Variants in NEURL4 observed in about 807,000 individuals in gnomAD.
The protein encoded by NEURL4 is neuralized E3 ubiquitin protein ligase 4, also known as neuralized-like protein 4.
In NEURL4, 45 loss-of-function variants were observed where a neutral mutation model predicts 148.0. That is an observed-to-expected ratio of 0.30 (90% CI 0.24 to 0.39). The LOEUF (loss-of-function observed/expected upper bound fraction) is 0.39. NEURL4 is among the 10% of genes least tolerant of loss of function. The probability of loss-of-function intolerance (pLI) is 1.00; values close to 1 mark genes in which losing one functional copy is unlikely to be tolerated. For synonymous variants in NEURL4, 854 were observed against 869.0 expected (o/e 0.98, Z 0.30); for missense variants, 1,776 against 2,144.0 (o/e 0.83, Z 3.39).
Position 7,322,173 on chromosome 17 carries a change from G to A in NEURL4, c.2726-163C>T. 6.6e-6 allele frequency among the ~76,000 whole-genome samples: 1 copy of A among 152,256 alleles called. No individual in the cohort carries two copies. The highest frequency in any genetic ancestry group is 3.4e-3 in the Middle Eastern group (1 of 294). The stretch of plus-strand genomic sequence containing the variant: ...TCCTGACACCTCTTTATTGTATTTT[G>A]TTGAGGCAGAGTCTCGCTCTGTCAC... On this transcript the variant is annotated intron_variant, in intron 16 of 28. Transcript: ENST00000399464. The surrounding 1 kb of genome is among the most constrained non-coding windows in gnomAD (Gnocchi z 5.5).
Position 7,322,142 on chromosome 17 carries a change from A to C in NEURL4, c.2726-132T>G. On this transcript the variant is annotated intron_variant, in intron 16 of 28. Coordinates refer to ENST00000399464, the MANE Select transcript of NEURL4 (RefSeq NM_032442.3). This position sits in a 1 kb window ranked among gnomAD's most constrained non-coding sequence, Gnocchi z 5.5. ...CATCTGCCATCTGCCATTACACCTC[A>C]GGGCCTCCTGACACCTCTTTATTGT... is the stretch of plus-strand genomic sequence containing the variant. 9.7e-6 allele frequency: 10 copies of C among 1,028,836 alleles called. No individual in the cohort carries two copies. Among genetic ancestry groups the C allele is most frequent in the Non-Finnish European group, 1.3e-5 (9 of 709,164 alleles). 63.7% of individuals were successfully genotyped at this position (1,028,836 alleles called of 1,614,324 possible).
Position 7,327,201 on chromosome 17 carries a change from G to T in NEURL4, c.757C>A (p.Pro253Thr). 3 of 1,611,966 alleles carry T rather than the reference G, an allele frequency of 1.9e-6. No homozygotes were observed. The highest frequency in any genetic ancestry group is 2.5e-6 in the Non-Finnish European group (3 of 1,179,772). Reference sequence around the variant, plus strand: ...TCAAGGCTGTTAGGAAACGTCTCCGGCCGGGCCTGCGCTGGGGACACCATG... The same window carrying T: ...TCAAGGCTGTTAGGAAACGTCTCCGTCCGGGCCTGCGCTGGGGACACCATG... ...AFMVSPAQAR[P>T]ETFPNSLESH... Residue 253 changes from proline (P) to threonine (T), a missense_variant, in exon 3 of 29, where the codon CCG (proline) becomes ACG (threonine). Pro to Thr is a conservative substitution (Grantham distance 38). Coordinates refer to ENST00000399464, the MANE Select transcript of NEURL4 (RefSeq NM_032442.3). The surrounding 1 kb of genome is among the most constrained non-coding windows in gnomAD (Gnocchi z 6.6).
At chr17:7,317,104 T>A (rs371700501) in intron 28 of NEURL4, 101 bp downstream of exon 28, 1 of 777,536 alleles carries the variant, frequency 1.3e-6, no homozygotes, top group East Asian at 2.9e-5. Context: ...CAAGACGAGA[T>A]GAGAAAAGGG....
chr17:7,320,636 C>T (rs2143012108), intron 21 of NEURL4, 123 bp downstream of exon 21: 2 of 826,392 alleles, frequency 2.4e-6, no homozygotes, highest in South Asian at 3.5e-5. Flanking sequence ...TGAATAAAAG[C>T]CTAGGAAGCT....
rs1597630248 is a variant in NEURL4 at position 7,318,433 on chromosome 17, C to A, written c.3864+62G>T. Reference sequence around the variant, plus strand: ...TGATCCCTCCCTGGAACAGAGATTTCCCCTGTCCTGGACAGCGCAGACTCT... The same window carrying A: ...TGATCCCTCCCTGGAACAGAGATTTACCCTGTCCTGGACAGCGCAGACTCT... On this transcript the variant is annotated intron_variant, in intron 23 of 28. Coordinates refer to ENST00000399464, the MANE Select transcript of NEURL4 (RefSeq NM_032442.3). The surrounding 1 kb of genome is among the most constrained non-coding windows in gnomAD (Gnocchi z 4.3). 1 of 1,609,912 alleles carries A rather than the reference C, an allele frequency of 6.2e-7. No homozygotes were observed. The highest frequency in any genetic ancestry group is 2.2e-5 in the East Asian group (1 of 44,868).
At position 7,325,231 on chromosome 17, in the gene NEURL4, C is replaced by T. The variant is rs1179912814; in HGVS notation, c.1609G>A (p.Gly537Arg). 1 of 1,602,022 alleles carries T rather than the reference C, an allele frequency of 6.2e-7. No individual in the cohort carries two copies. The highest frequency in any genetic ancestry group is 8.5e-7 in the Non-Finnish European group (1 of 1,175,652). Residue 537 changes from glycine (G) to arginine (R), a missense_variant, in exon 8 of 29, where the codon GGA (glycine) becomes AGA (arginine). Gly to Arg is a moderately radical substitution (Grantham distance 125, BLOSUM62 -2). Transcript: ENST00000399464. Reference protein sequence around the residue: ...CGQKAAITHEGRTALRPHATD... With the variant: ...CGQKAAITHERRTALRPHATD... Reference sequence around the variant, plus strand: ...TACTGGGGCCTCAGGGCAGTGCGTCCCTCGTGGGTGATGGCTGCCTTCTGC... The same window carrying T: ...TACTGGGGCCTCAGGGCAGTGCGTCTCTCGTGGGTGATGGCTGCCTTCTGC...
Position 7,319,217 on chromosome 17 carries a change from GA to G in NEURL4, c.3526-10del. ...AGGAAATCTATCCGCACCTGGGGAA[GA>G]AAGAACTACTCCATAATCACAGCCT... is the stretch of plus-strand genomic sequence containing the variant. On this transcript the variant is annotated splice_polypyrimidine_tract_variant and intron_variant, in intron 21 of 28. Transcript: ENST00000399464. The G allele has an allele frequency of 6.2e-7, 1 of 1,607,530 alleles. No individual in the cohort carries two copies. The highest frequency in any genetic ancestry group is 8.5e-7 in the Non-Finnish European group (1 of 1,175,934).
At position 7,323,956 on chromosome 17, in the gene NEURL4, A is replaced by G; in HGVS notation, c.2119T>C (p.Ser707Pro). 6.2e-7 allele frequency: 1 copy of G among 1,612,712 alleles called. No individual in the cohort carries two copies. The highest frequency in any genetic ancestry group is 8.5e-7 in the Non-Finnish European group (1 of 1,179,996). ...GAGCCCCCGGCCCCTGAGGACGGAG[A>G]GCTTGGAGACACCTGGTTGTTCCCC... ...PEGNNQVSPS[S>P]PSSGAGGSDL... is the part of the protein sequence containing the mutation. The change falls in exon 12 of 29, where the codon TCT becomes CCT. Residue 707 changes from serine (S) to proline (P), a missense_variant. Transcript: ENST00000399464.
Position 7,319,648 on chromosome 17 carries a change from C to T in NEURL4, c.3526-440G>A, listed in dbSNP as rs575676282. The stretch of plus-strand genomic sequence containing the variant: ...CCGGGAGGTGGAGGTTGCGGTGAGC[C>T]GAGATCATACCATTGCACTCTAGCC... On this transcript the variant is annotated intron_variant, in intron 21 of 28. Coordinates refer to ENST00000399464, the MANE Select transcript of NEURL4 (RefSeq NM_032442.3). Among the ~76,000 whole-genome samples, 14 of 146,810 alleles carry T rather than the reference C, an allele frequency of 9.5e-5. No homozygotes were observed. In the South Asian group the frequency reaches 2.7e-3, roughly 28 times the overall value.
At chr17:7,325,796 A>G (rs2073096914) in intron 6 of NEURL4, 83 bp from the exon 7 acceptor site, 2 of 1,155,418 alleles carry the variant, frequency 1.7e-6, no homozygotes, top group Non-Finnish European at 2.6e-6. Context: ...TCCAGAAGGT[A>G]TTCGTGAGAG....
chr17:7,318,226 G>C lies in NEURL4; in HGVS notation c.3952+43C>G. 2.5e-6 allele frequency: 4 copies of C among 1,609,178 alleles called. No individual in the cohort carries two copies. The highest frequency in any genetic ancestry group is 2.6e-6 in the Non-Finnish European group (3 of 1,175,520). On this transcript the variant is annotated intron_variant, in intron 24 of 28. Transcript: ENST00000399464. This position sits in a 1 kb window ranked among gnomAD's most constrained non-coding sequence, Gnocchi z 4.3. The stretch of plus-strand genomic sequence containing the variant: ...GGAGCTGGGCTAGAAGGGTGAGGGT[G>C]GGGGAGTAGGGGCAGGAGCTGGGTC...
At position 7,321,282 on chromosome 17, in the gene NEURL4, C is replaced by T; in HGVS notation, c.3199-9G>A. 1 of 1,613,040 alleles carries T rather than the reference C, an allele frequency of 6.2e-7. No homozygotes were observed. The highest frequency in any genetic ancestry group is 1.3e-5 in the African/African-American group (1 of 74,986). ...AACACAGCCCACACGTTCTGGGAGGCACACAAGACCCAGAAAATCAGAGAT... is the reference window on the plus strand; with the variant it reads ...AACACAGCCCACACGTTCTGGGAGGTACACAAGACCCAGAAAATCAGAGAT... On this transcript the variant is annotated splice_polypyrimidine_tract_variant and intron_variant, in intron 19 of 28. Coordinates refer to ENST00000399464, the MANE Select transcript of NEURL4 (RefSeq NM_032442.3). The surrounding 1 kb of genome is among the most constrained non-coding windows in gnomAD (Gnocchi z 6.3).
Position 7,323,835 on chromosome 17 carries a change from T to C in NEURL4, c.2240A>G (p.Asp747Gly). The C allele has an allele frequency of 6.2e-7, 1 of 1,614,046 alleles. No individual in the cohort carries two copies. The change falls in exon 12 of 29, where the codon GAC becomes GGC. Residue 747 changes from aspartate (D) to glycine (G), a missense_variant. By Grantham distance (94) the Asp-to-Gly change is moderately conservative. Coordinates refer to ENST00000399464, the MANE Select transcript of NEURL4 (RefSeq NM_032442.3). Reference sequence around the variant, plus strand: ...TGACCGGTTGGAGATGACGATGGCGTCATTAAACTCGCTGCGACAGTTGTG... The same window carrying C: ...TGACCGGTTGGAGATGACGATGGCGCCATTAAACTCGCTGCGACAGTTGTG... ...LRHNCRSEFN[D>G]AIVISNRALR...
In NEURL4 at chr17:7,327,233, G is replaced by A. The variant is rs746467250; in HGVS notation, c.728-3C>T. On this transcript the variant is annotated splice_polypyrimidine_tract_variant and splice_region_variant and intron_variant, in intron 2 of 28. Transcript: ENST00000399464. The surrounding 1 kb of genome is among the most constrained non-coding windows in gnomAD (Gnocchi z 6.6). Reference sequence around the variant, plus strand: ...CTGCGCTGGGGACACCATGAAGGCTGGGGACCAGGTGGGATGGGAGGGGAA... The same window carrying A: ...CTGCGCTGGGGACACCATGAAGGCTAGGGACCAGGTGGGATGGGAGGGGAA... The A allele has an allele frequency of 6.2e-6, 10 of 1,607,632 alleles. No individual in the cohort carries two copies. The highest frequency in any genetic ancestry group is 1.7e-5 in the Admixed American group (1 of 59,266).
rs200726218 is a variant in NEURL4 at position 7,323,814 on chromosome 17, C to T, written c.2261G>A (p.Arg754Gln). 2.8e-5 allele frequency: 46 copies of T among 1,614,094 alleles called. No homozygotes were observed. The highest frequency in any genetic ancestry group is 4.4e-5 in the South Asian group (4 of 91,090). ...GGGACATGAAAGTTGAGAGACTGAC[C>T]GGTTGGAGATGACGATGGCGTCATT... ...EFNDAIVISN[R>Q]ALRDGELFEI... The change falls in exon 12 of 29, where the codon CGG (arginine) becomes CAG (glutamine). Residue 754 changes from arginine (R) to glutamine (Q), a missense_variant and splice_region_variant. Transcript: ENST00000399464.
chr17:7,320,985 T>C, intron 20 of NEURL4, 62 bp from the exon 21 acceptor site: 2 of 1,603,456 alleles, frequency 1.2e-6, no homozygotes, highest in Non-Finnish European at 1.7e-6. Flanking sequence ...CCCACCCCAC[T>C]GGAGTTTGCA....
chr17:7,322,042 G>C lies in NEURL4; in HGVS notation c.2726-32C>G. The C allele has an allele frequency of 1.3e-6, 2 of 1,565,376 alleles. No homozygotes were observed. The highest frequency in any genetic ancestry group is 1.7e-6 in the Non-Finnish European group (2 of 1,158,704). On this transcript the variant is annotated intron_variant, in intron 16 of 28. Coordinates refer to ENST00000399464, the MANE Select transcript of NEURL4 (RefSeq NM_032442.3). The surrounding 1 kb of genome is among the most constrained non-coding windows in gnomAD (Gnocchi z 5.5). ...AGAGATGGCACCAGTAGAAGGGGTA[G>C]GATTGGGGCAGCGAGCTTCAGGCAG...
intron 20 of NEURL4, 50 bp from the exon 21 acceptor site, chr17:7,320,973 G>A: frequency 6.2e-7 from 1 of 1,606,322 alleles, no homozygotes; most frequent in Non-Finnish European, 8.5e-7. Context: ...TGCCAGGACT[G>A]ACCCACCCCA....
In NEURL4 at chr17:7,321,406, C is replaced by T; in HGVS notation, c.3153G>A (p.Leu1051=). Reference sequence around the variant, plus strand: ...CAGGCCCCATATCCTCTCCATCCACCAGGATGTGCATCGTGTCATCTGCCC... The same window carrying T: ...CAGGCCCCATATCCTCTCCATCCACTAGGATGTGCATCGTGTCATCTGCCC... The part of the protein sequence containing the change: ...RRGADDTMHI[L]VDGEDMGPAA... The change falls in exon 19 of 29, where the codon CTG becomes CTA. Residue 1051 remains leucine (L), a synonymous_variant. Transcript: ENST00000399464. This position sits in a 1 kb window ranked among gnomAD's most constrained non-coding sequence, Gnocchi z 6.3. 4.3e-6 allele frequency: 7 copies of T among 1,614,174 alleles called. No individual in the cohort carries two copies. The highest frequency in any genetic ancestry group is 1.1e-5 in the South Asian group (1 of 91,086).
Sources: gnomAD v4.1 joint callset for allele counts (sites outside exome capture counted in the v4.1 genomes callset) on GRCh38, gnomAD v4.1.1 for gene constraint, Gnocchi (gnomAD v3.1) non-coding constraint, MANE v1.5 for transcripts, NCBI Gene and HGNC (gene_info 2026-07-23, HGNC 2026-07-21) for gene names.